The following ANGPTL3 variants were observed in gnomAD, a reference collection of about 807,000 sequenced individuals.
ANGPTL3 encodes angiopoietin-related protein 3.
ANGPTL3 carries 51 observed loss-of-function variants against 52.7 expected under a neutral mutation model. The observed-to-expected ratio is 0.97, with a 90% CI of 0.77 to 1.22. ANGPTL3 has a LOEUF of 1.22. ANGPTL3 is among the 50% of genes most tolerant of loss of function. The pLI, the probability that ANGPTL3 is intolerant of heterozygous loss-of-function variation, is 0.00. For synonymous variants in ANGPTL3, 185 were observed against 179.8 expected (o/e 1.03, Z -0.23); for missense variants, 506 against 520.7 (o/e 0.97, Z 0.27).
chr1:62,604,299 C>A, intron 6 of ANGPTL3, 64 bp downstream of exon 6: 1 of 1,575,616 alleles, frequency 6.3e-7, no homozygotes, highest in Non-Finnish European at 8.7e-7. Context: ...ACATTATTAG[C>A]TATTATCTGC....
rs1257156162 is a variant in ANGPTL3 at position 62,601,143 on chromosome 1, C to T, written c.668C>T (p.Pro223Leu). ...TCTCTATCTTCCAAGCCAAGAGCAC[C>T]AAGAACTACTCCCTTTCTTCAGTTG... Reference protein sequence around the residue: ...EISLSSKPRAPRTTPFLQLNE... With the variant: ...EISLSSKPRALRTTPFLQLNE... The change falls in exon 3 of 7, where the codon CCA becomes CTA. Residue 223 changes from proline (P) to leucine (L), a missense_variant. By Grantham distance (98) the Pro-to-Leu change is moderately conservative (BLOSUM62 -3). Transcript: ENST00000371129. 1 of 1,610,788 alleles carries T rather than the reference C, an allele frequency of 6.2e-7. No homozygotes were observed. Among genetic ancestry groups the T allele is most frequent in the African/African-American group, 1.3e-5 (1 of 74,760 alleles).
Position 62,597,959 on chromosome 1 carries a change from A to C in ANGPTL3, c.393A>C (p.Lys131Asn). The C allele has an allele frequency of 6.4e-7, 1 of 1,555,728 alleles. No individual in the cohort carries two copies. Among genetic ancestry groups the C allele is most frequent in the African/African-American group, 1.4e-5 (1 of 72,028 alleles). Residue 131 changes from lysine (K) to asparagine (N), a missense_variant, in exon 1 of 7, where the codon AAA becomes AAC. Coordinates refer to ENST00000371129, the MANE Select transcript of ANGPTL3 (RefSeq NM_014495.4). ...NSKLESLLEEKILLQQKVKYL... is the reference protein window; with the variant it reads ...NSKLESLLEENILLQQKVKYL... ...AACTTGAAAGCCTCCTAGAAGAAAA[A>C]ATTCTACTTCAACAAAAAGTGAAAT...
At position 62,598,012 on chromosome 1, in the gene ANGPTL3, T is replaced by C; in HGVS notation, c.446T>C (p.Ile149Thr). Residue 149 changes from isoleucine to threonine, a missense_variant, in exon 1 of 7, where the codon ATT becomes ACT. Ile to Thr is a moderately conservative substitution (Grantham distance 89). Coordinates refer to ENST00000371129, the MANE Select transcript of ANGPTL3 (RefSeq NM_014495.4). ...TTAGAAGAGCAACTAACTAACTTAA[T>C]TCAAAATCAACCTGAAACTCCAGAA... ...KYLEEQLTNL[I>T]QNQPETPEHP... 1 of 1,572,694 alleles carries C rather than the reference T, an allele frequency of 6.4e-7. No homozygotes were observed. Among genetic ancestry groups the C allele is most frequent in the Non-Finnish European group, 8.6e-7 (1 of 1,169,172 alleles).
chr1:62,598,743 C>T lies in ANGPTL3; in HGVS notation c.543C>T (p.Thr181=), dbSNP rs373232750. 7.4e-6 allele frequency: 12 copies of T among 1,611,084 alleles called. No individual in the cohort carries two copies. In the African/African-American group the frequency reaches 1.1e-4, roughly 14 times the overall value. The part of the protein sequence containing the change: ...QDNSIKDLLQ[T]VEDQYKQLNQ... ...ATAGCATCAAAGACCTTCTCCAGAC[C>T]GTGGAAGACCAATATAAACAATTAA... The change falls in exon 2 of 7, where the codon ACC becomes ACT. Residue 181 remains threonine, a synonymous_variant. Coordinates refer to ENST00000371129, the MANE Select transcript of ANGPTL3 (RefSeq NM_014495.4).
chr1:62,597,809 T>C lies in ANGPTL3; in HGVS notation c.243T>C (p.Ser81=), dbSNP rs141150415. ...IFQKLNIFDQ[S]FYDLSLQTSE... The stretch of plus-strand genomic sequence containing the variant: ...AAAAACTCAACATATTTGATCAGTC[T>C]TTTTATGATCTATCGCTGCAAACCA... Residue 81 remains serine, a synonymous_variant, in exon 1 of 7, where the codon TCT becomes TCC. Coordinates refer to ENST00000371129, the MANE Select transcript of ANGPTL3 (RefSeq NM_014495.4). 50 of 1,613,244 alleles carry C rather than the reference T, an allele frequency of 3.1e-5. No individual in the cohort carries two copies. Among genetic ancestry groups the C allele is most frequent in the Middle Eastern group, 3.3e-4 (2 of 6,068 alleles).
Position 62,601,865 on chromosome 1 carries a change from AC to A in ANGPTL3, c.819del (p.Cys274ValfsTer11). On this transcript the variant is annotated frameshift_variant, in exon 4 of 7. Coordinates refer to ENST00000371129, the MANE Select transcript of ANGPTL3 (RefSeq NM_014495.4). LOFTEE classifies it high-confidence loss of function. ...RPSNSQVFHV[Y>X]CDVISGSPWT... The stretch of plus-strand genomic sequence containing the variant: ...AGCAACTCTCAAGTTTTTCATGTCT[AC>A]TGTGATGTTATATCAGGTAAAACCT... The A allele has an allele frequency of 6.2e-7, 1 of 1,607,472 alleles. No homozygotes were observed. The highest frequency in any genetic ancestry group is 8.5e-7 in the Non-Finnish European group (1 of 1,174,914).
rs2149546672 is a variant in ANGPTL3 at position 62,605,078 on chromosome 1, G to C, written c.*261G>C. On this transcript the variant is annotated 3_prime_UTR_variant, in exon 7 of 7. Transcript: ENST00000371129. ...ATCAATTTTAGATGGTCACAATCTA[G>C]ATTATAATCAATAGGTGAACTTATT... The C allele has an allele frequency of 2.7e-6, 1 of 365,688 alleles. No individual in the cohort carries two copies. Among genetic ancestry groups the C allele is most frequent in the African/African-American group, 2.1e-5 (1 of 48,564 alleles). The allele number at this position is 365,688 out of a possible 1,614,324, so 22.7% of individuals were successfully genotyped here. A position where few individuals can be genotyped will look rare whatever the true frequency, so the allele number is the denominator to read the frequency against.
At chr1:62,602,467 G>GTAA in intron 5 of ANGPTL3, 87 bp downstream of exon 5, 2 of 1,188,976 alleles carry the variant, frequency 1.7e-6, no homozygotes, top group South Asian at 2.5e-5. Context: ...ATTAGGAAAA[G>GTAA]TAGTAACGAA....
intron 2 of ANGPTL3, 105 bp downstream of exon 2, chr1:62,598,911 T>A: frequency 1.3e-6 from 1 of 741,394 alleles, no homozygotes; most frequent in African/African-American, 1.8e-5. Context: ...AGTAAAATTA[T>A]CACATCAGCA....
chr1:62,605,580 G>A lies in ANGPTL3; in HGVS notation c.*763G>A, dbSNP rs1243994319. ...TACTATGAAAACAAATAATTGTAAAGGAATCTTGTCAGATTACAGTAAGAA... is the reference window on the plus strand; with the variant it reads ...TACTATGAAAACAAATAATTGTAAAAGAATCTTGTCAGATTACAGTAAGAA... On this transcript the variant is annotated 3_prime_UTR_variant, in exon 7 of 7. Coordinates refer to ENST00000371129, the MANE Select transcript of ANGPTL3 (RefSeq NM_014495.4). 6.6e-6 allele frequency: 1 copy of A among 152,224 alleles called. No individual in the cohort carries two copies. Among genetic ancestry groups the A allele is most frequent in the Admixed American group, 6.6e-5 (1 of 15,230 alleles). 9.4% of individuals were successfully genotyped at this position (152,224 alleles called of 1,614,324 possible).
rs776276231 is a variant in ANGPTL3, at chr1:62,598,671, T to C, written c.496-25T>C. 44 of 1,359,486 alleles carry C rather than the reference T, an allele frequency of 3.2e-5. No homozygotes were observed. The Admixed American group carries it at 7.3e-4, about 22-fold the overall frequency. The allele number at this position is 1,359,486 out of a possible 1,614,324, so 84.2% of individuals were successfully genotyped here. A position where few individuals can be genotyped will look rare whatever the true frequency, so the allele number is the denominator to read the frequency against. ...AGAAAAGAAAGAGGAAAGCAACTTATAACCAACCTACTCTCTATATCCAGA... is the reference window on the plus strand; with the variant it reads ...AGAAAAGAAAGAGGAAAGCAACTTACAACCAACCTACTCTCTATATCCAGA... On this transcript the variant is annotated intron_variant, in intron 1 of 6. Coordinates refer to ENST00000371129, the MANE Select transcript of ANGPTL3 (RefSeq NM_014495.4).
chr1:62,601,995 A>C, intron 4 of ANGPTL3, 113 bp downstream of exon 4: 2 of 653,614 alleles, frequency 3.1e-6, no homozygotes, highest in Non-Finnish European at 5.3e-6. Context: ...AATATATATG[A>C]GTATTCGTAT....
rs558536536 is a variant in ANGPTL3, at chr1:62,604,398, T to C, written c.1198+163T>C. ...ACTATAATGAAAGTGTTCATTCTAG[T>C]TCAATCAGGTATTTTACCTCTAATC... On this transcript the variant is annotated intron_variant, in intron 6 of 6. Coordinates refer to ENST00000371129, the MANE Select transcript of ANGPTL3 (RefSeq NM_014495.4). 13 of 950,654 alleles carry C rather than the reference T, an allele frequency of 1.4e-5. No homozygotes were observed. The East Asian group carries it at 3.4e-4, about 25-fold the overall frequency. The allele number at this position is 950,654 out of a possible 1,614,324, so 58.9% of individuals were successfully genotyped here.
Position 62,604,965 on chromosome 1 carries a change from T to C in ANGPTL3, c.*148T>C. On this transcript the variant is annotated 3_prime_UTR_variant, in exon 7 of 7. Transcript: ENST00000371129. ...GTCACTGTCTATTTAAGATTAAACA[T>C]ACAATCACATAACCTTAAAGAATAC... 2 of 728,480 alleles carry C rather than the reference T, an allele frequency of 2.7e-6. No homozygotes were observed. Among genetic ancestry groups the C allele is most frequent in the Non-Finnish European group, 2.3e-6 (1 of 439,226 alleles). The allele number at this position is 728,480 out of a possible 1,614,324, so 45.1% of individuals were successfully genotyped here. A position where few individuals can be genotyped will look rare whatever the true frequency, so the allele number is the denominator to read the frequency against.
In ANGPTL3 at chr1:62,598,149, CT is replaced by C. The variant is rs1279305149; in HGVS notation, c.495+91del. ...TTTCTAAGGCATGCCATTTGAAATA[CT>C]TTGTTGCATTGTTGAAATACTTTTT... On this transcript the variant is annotated intron_variant, in intron 1 of 6. Coordinates refer to ENST00000371129, the MANE Select transcript of ANGPTL3 (RefSeq NM_014495.4). The C allele has an allele frequency of 6.6e-6, 8 of 1,219,150 alleles. No homozygotes were observed. The East Asian group carries it at 1.8e-4, about 28-fold the overall frequency. The allele number at this position is 1,219,150 out of a possible 1,614,324, so 75.5% of individuals were successfully genotyped here. A position where few individuals can be genotyped will look rare whatever the true frequency, so the allele number is the denominator to read the frequency against.
rs779553947 is a variant in ANGPTL3 at position 62,601,827 on chromosome 1, T to C, written c.780T>C (p.Tyr260=). ...GAGGTGAACATACAAGTGGCATGTA[T>C]GCCATCAGACCCAGCAACTCTCAAG... ...YNRGEHTSGM[Y]AIRPSNSQVF... is the part of the protein sequence containing the mutation. The change falls in exon 4 of 7, where the codon TAT becomes TAC. Residue 260 remains tyrosine, a synonymous_variant. Coordinates refer to ENST00000371129, the MANE Select transcript of ANGPTL3 (RefSeq NM_014495.4). The C allele has an allele frequency of 1.9e-6, 3 of 1,610,488 alleles. No individual in the cohort carries two copies. Among genetic ancestry groups the C allele is most frequent in the Non-Finnish European group, 2.5e-6 (3 of 1,177,460 alleles).
intron 2 of ANGPTL3, 22 bp from the exon 3 acceptor site, chr1:62,601,058 AAC>A (rs754028648): frequency 5.0e-6 from 7 of 1,391,602 alleles, no homozygotes; most frequent in South Asian, 1.2e-5. Flanking sequence ...CATTTTAAAA[AAC>A]AGATTTATAT....
In ANGPTL3 at chr1:62,603,825, T is replaced by A. The variant is rs564699930; in HGVS notation, c.932-144T>A. The A allele has an allele frequency of 6.7e-4, 484 of 725,336 alleles. 2 individuals carry two copies. In the African/African-American group the frequency reaches 7.8e-3, roughly 12 times the overall value. 44.9% of individuals were successfully genotyped at this position (725,336 alleles called of 1,614,324 possible). A position where few individuals can be genotyped will look rare whatever the true frequency, so the allele number is the denominator to read the frequency against. On this transcript the variant is annotated intron_variant, in intron 5 of 6. Coordinates refer to ENST00000371129, the MANE Select transcript of ANGPTL3 (RefSeq NM_014495.4). Reference sequence around the variant, plus strand: ...TCTTCAATAAAATTGTTTTAAAAGGTATTATTTTAAGATACACTAAAATGA... The same window carrying A: ...TCTTCAATAAAATTGTTTTAAAAGGAATTATTTTAAGATACACTAAAATGA...
chr1:62,604,882 T>G lies in ANGPTL3; in HGVS notation c.*65T>G. 6.6e-4 allele frequency: 981 copies of G among 1,489,662 alleles called. No individual in the cohort carries two copies. The highest frequency in any genetic ancestry group is 8.4e-4 in the Non-Finnish European group (902 of 1,071,104). The allele number at this position is 1,489,662 out of a possible 1,614,324, so 92.3% of individuals were successfully genotyped here. A position where few individuals can be genotyped will look rare whatever the true frequency, so the allele number is the denominator to read the frequency against. On this transcript the variant is annotated 3_prime_UTR_variant, in exon 7 of 7. Coordinates refer to ENST00000371129, the MANE Select transcript of ANGPTL3 (RefSeq NM_014495.4). ...CTCATTCCAAGTTAATGTGGTCTAATAATCTGGTATTAAATCCTTAAGAGA... is the reference window on the plus strand; with the variant it reads ...CTCATTCCAAGTTAATGTGGTCTAAGAATCTGGTATTAAATCCTTAAGAGA...
Sources: allele counts gnomAD v4.1 joint callset, GRCh38; gene constraint gnomAD v4.1.1; transcripts MANE v1.5; gene names NCBI Gene and HGNC (gene_info 2026-07-23, HGNC 2026-07-21).